Variants in DPYSL3 observed in about 807,000 individuals in gnomAD.
DPYSL3 encodes dihydropyrimidinase like 3.
Under a neutral mutation model 66.1 loss-of-function variants are expected in DPYSL3, and 16 were observed. The ratio of observed to expected loss-of-function variants is 0.24; its 90% CI spans 0.16 to 0.37. The LOEUF is 0.37. DPYSL3 is among the 10% of genes least tolerant of loss of function. DPYSL3 has a pLI of 1.00. For synonymous variants in DPYSL3, 338 were observed against 345.1 expected, an observed-to-expected ratio of 0.98 and a Z score of 0.23; for missense variants, 738 against 916.2, an observed-to-expected ratio of 0.81 and a Z score of 2.51.
At chr5:147,458,832 A>T (rs1330867013) in intron 1 of DPYSL3, among the ~76,000 whole-genome samples, 6 of 152,186 alleles carry the variant, frequency 3.9e-5, no homozygotes, top group African/African-American at 1.4e-4. Flanking sequence ...GAAGCAAGGG[A>T]TCTAAGCTCC....
At chr5:147,472,637 C>T (rs1753101700) in intron 1 of DPYSL3, 1 of 152,142 alleles carries the variant, frequency 6.6e-6, no homozygotes, top group African/African-American at 2.4e-5. Flanking sequence ...GCCTATTTAC[C>T]ATTACTGCTT....
chr5:147,394,239 T>C, intron 13 of DPYSL3, 116 bp from the exon 14 acceptor site: 2 of 996,662 alleles, frequency 2.0e-6, no homozygotes, highest in East Asian at 2.6e-5. Context: ...AGTGCCTTGC[T>C]GGCCTCACCT....
At chr5:147,477,615 G>A (rs1446152782) in intron 1 of DPYSL3, among the ~76,000 whole-genome samples, 4 of 107,228 alleles carry the variant, frequency 3.7e-5, no homozygotes, top group African/African-American at 1.1e-4. Flanking sequence ...TCGCTCTGTC[G>A]CCCAGGCCGG....
intron 3 of DPYSL3, among the ~76,000 whole-genome samples, chr5:147,418,125 CT>C (rs1461896829): frequency 6.6e-6 from 1 of 152,178 alleles, no homozygotes; most frequent in African/African-American, 2.4e-5. Context: ...CTATCCATAA[CT>C]TTTTAAGTCT....
At chr5:147,477,595 A>C (rs1398246071) in intron 1 of DPYSL3, among the ~76,000 whole-genome samples, 8 of 69,178 alleles carry the variant, frequency 1.2e-4, no homozygotes, top group South Asian at 5.5e-4. Flanking sequence ...TTTTTTTTTG[A>C]GACGGAGTCT....
chr5:147,485,084 C>A (rs1003332919), intron 1 of DPYSL3, among the ~76,000 whole-genome samples: 1 of 152,086 alleles, frequency 6.6e-6, no homozygotes, highest in African/African-American at 2.4e-5. Flanking sequence ...TTTTTTGTAA[C>A]AGAAACTGTA....
At chr5:147,458,686 G>T (rs1416931767) in intron 1 of DPYSL3, among the ~76,000 whole-genome samples, 1 of 152,150 alleles carries the variant, frequency 6.6e-6, no homozygotes, top group African/African-American at 2.4e-5. Flanking sequence ...AGACCAGTAA[G>T]CCTGGTTGTG....
rs984697504 is a variant in DPYSL3 at position 147,453,550 on chromosome 5, G to C, written c.382-28587C>G. ...GGGAGCAGCGGCGCCCGGACTCACC[G>C]TGATCCGCGGGATGTTCTTCTTGCC... On this transcript the variant is annotated intron_variant, in intron 1 of 13. Transcript: ENST00000343218. 3.3e-6 allele frequency: 5 copies of C among 1,538,006 alleles called. No individual in the cohort carries two copies. The Admixed American group carries it at 6.0e-5, about 18-fold the overall frequency.
intron 1 of DPYSL3, among the ~76,000 whole-genome samples, chr5:147,454,879 G>C (rs1370341996): frequency 1.3e-5 from 2 of 152,210 alleles, no homozygotes; most frequent in African/African-American, 4.8e-5. Flanking sequence ...CTGAGTGGTG[G>C]CTGGGGGTGA....
rs75867295 is a variant in DPYSL3, at chr5:147,435,123, G to A, written c.382-10160C>T. 2.5e-4 allele frequency among the ~76,000 whole-genome samples: 38 copies of A among 152,254 alleles called. 1 individual carries two copies. The East Asian group carries it at 7.4e-3, about 29-fold the overall frequency. On this transcript the variant is annotated intron_variant, in intron 1 of 13. Coordinates refer to ENST00000343218, the MANE Select transcript of DPYSL3 (RefSeq NM_001197294.2). ...AAGAAAGGTGGGGGGAAGAGAGAGA[G>A]AGAGGAGAGAGGCAGGCAGAAAAAT...
At chr5:147,463,188 C>T (rs1172063730) in intron 1 of DPYSL3, among the ~76,000 whole-genome samples, 1 of 152,054 alleles carries the variant, frequency 6.6e-6, no homozygotes, top group Admixed American at 6.5e-5. Flanking sequence ...CCCTTATGAC[C>T]AGCTGATAGA....
At chr5:147,407,956 G>C (rs985773831) in intron 7 of DPYSL3, among the ~76,000 whole-genome samples, 5 of 151,922 alleles carry the variant, frequency 3.3e-5, no homozygotes, top group Non-Finnish European at 7.4e-5. Flanking sequence ...TTCTATATGT[G>C]TTCTATTTAT....
At chr5:147,461,161 G>A (rs187239770) in intron 1 of DPYSL3, among the ~76,000 whole-genome samples, 124 of 152,226 alleles carry the variant, frequency 8.1e-4, no homozygotes, top group Non-Finnish European at 1.3e-3. Flanking sequence ...TCAACATGGA[G>A]GCACCATTTT....
At chr5:147,507,460 A>G (rs1394066155) in intron 1 of DPYSL3, among the ~76,000 whole-genome samples, 1 of 152,128 alleles carries the variant, frequency 6.6e-6, no homozygotes, top group Non-Finnish European at 1.5e-5. Flanking sequence ...TATGTGGCAA[A>G]ACAGATGGTT....
chr5:147,460,940 G>A (rs1020962007), intron 1 of DPYSL3, among the ~76,000 whole-genome samples: 4 of 152,222 alleles, frequency 2.6e-5, no homozygotes, highest in South Asian at 2.1e-4. Flanking sequence ...CCTCCTACAA[G>A]AGGTCCTATT....
At chr5:147,454,313 GGTGGTAAACAGCGGC>G (rs1752806395) in intron 1 of DPYSL3, 2 of 152,262 alleles carry the variant, frequency 1.3e-5, no homozygotes, top group South Asian at 4.1e-4. Context: ...CTGCTCGCGG[GGTGGTAAACAGCGGC>G]GCAGCCCCTT....
At chr5:147,479,444 C>G (rs972412575) in intron 1 of DPYSL3, among the ~76,000 whole-genome samples, 1 of 152,100 alleles carries the variant, frequency 6.6e-6, no homozygotes, top group African/African-American at 2.4e-5. Flanking sequence ...GTCTTGTCAA[C>G]TCAGTGAAGG....
At chr5:147,462,690 G>A (rs1338709032) in intron 1 of DPYSL3, among the ~76,000 whole-genome samples, 1 of 152,070 alleles carries the variant, frequency 6.6e-6, no homozygotes, top group African/African-American at 2.4e-5. Context: ...TGTCAGTTTT[G>A]AGTGACACCT....
Position 147,395,625 on chromosome 5 carries a change from G to C in DPYSL3, c.1900C>G (p.Arg634Gly), listed in dbSNP as rs751361322. The change falls in exon 13 of 14, where the codon CGG becomes GGG. Residue 634 changes from arginine to glycine, a missense_variant. Physicochemically the swap from Arg to Gly is moderately radical, Grantham distance 125. Transcript: ENST00000343218. ...GGGTTCGGCCGAGTAGGAGAGCCCC[G>C]AGCAGAGCCTGCGGGGGTGCCACCT... ...PKGGTPAGSA[R>G]GSPTRPNPPV... The C allele has an allele frequency of 5.6e-6, 9 of 1,614,050 alleles. No individual in the cohort carries two copies. The highest frequency in any genetic ancestry group is 7.6e-6 in the Non-Finnish European group (9 of 1,180,028).
Sources: allele counts gnomAD v4.1 joint callset (sites outside exome capture counted in the v4.1 genomes callset), GRCh38; gene constraint gnomAD v4.1.1; transcripts MANE v1.5; gene names NCBI Gene and HGNC (gene_info 2026-07-23, HGNC 2026-07-21).